The following NLGN1 variants were observed in gnomAD, a reference collection of about 807,000 sequenced individuals.
The protein encoded by NLGN1 is neuroligin-1.
Under a neutral mutation model 65.5 loss-of-function variants are expected in NLGN1, and 12 were observed. The observed-to-expected ratio is 0.18, with a 90% CI of 0.12 to 0.30. The LOEUF (loss-of-function observed/expected upper bound fraction) is 0.30. Among genes scored for constraint, NLGN1 ranks in the 10% least tolerant of loss-of-function variants. The pLI is 1.00. For synonymous variants in NLGN1, 350 were observed against 359.5 expected, an observed-to-expected ratio of 0.97 and a Z score of 0.30; for missense variants, 750 against 1,007.1, an observed-to-expected ratio of 0.74 and a Z score of 3.46.
intron 4 of NLGN1, among the ~76,000 whole-genome samples, chr3:173,916,977 T>G (rs1740864024): frequency 6.6e-6 from 1 of 152,194 alleles, no homozygotes; most frequent in African/African-American, 2.4e-5. Context: ...GTTTTCCAAC[T>G]TCAGACTACA....
chr3:174,078,113 T>G (rs2152544494), intron 4 of NLGN1, among the ~76,000 whole-genome samples: 1 of 152,204 alleles, frequency 6.6e-6, no homozygotes. Flanking sequence ...AAAACCATAC[T>G]ATATGATGTC....
At chr3:173,622,771 A>G (rs1356190291) in intron 3 of NLGN1, among the ~76,000 whole-genome samples, 1 of 152,078 alleles carries the variant, frequency 6.6e-6, no homozygotes, top group Non-Finnish European at 1.5e-5. Context: ...TTTTGTTGCA[A>G]AAATTAGGAA....
chr3:173,973,550 G>GT (rs201920885), intron 4 of NLGN1, among the ~76,000 whole-genome samples: 1,481 of 147,402 alleles, frequency 0.01, 10 homozygotes, highest in Non-Finnish European at 0.014. Flanking sequence ...AAATTATGTG[G>GT]TTTTTTTTTT....
chr3:173,482,977 C>G (rs1268517329), intron 2 of NLGN1, among the ~76,000 whole-genome samples: 1 of 151,858 alleles, frequency 6.6e-6, no homozygotes, highest in East Asian at 1.9e-4. Context: ...TGTTATAGAT[C>G]TCGTAATCAG....
intron 2 of NLGN1, chr3:173,584,552 C>T (rs1022312358): frequency 2.0e-5 from 3 of 151,524 alleles, no homozygotes; most frequent in Non-Finnish European, 4.4e-5. Context: ...ACATCAGCAC[C>T]GGGAATTCAT....
intron 4 of NLGN1, among the ~76,000 whole-genome samples, chr3:174,265,244 C>T (rs1174866999): frequency 2.6e-5 from 4 of 151,808 alleles, no homozygotes; most frequent in Middle Eastern, 3.4e-3. Context: ...TTTACCTAAG[C>T]AAGCCTGGGC....
intron 4 of NLGN1, among the ~76,000 whole-genome samples, chr3:173,908,853 G>A (rs1173774379): frequency 6.6e-6 from 1 of 152,114 alleles, no homozygotes; most frequent in Non-Finnish European, 1.5e-5. Context: ...TAATTTTGAT[G>A]TCTATAAAAA....
intron 3 of NLGN1, among the ~76,000 whole-genome samples, chr3:173,615,029 G>GT (rs1005721014): frequency 4.0e-5 from 6 of 151,082 alleles, no homozygotes; most frequent in Middle Eastern, 3.4e-3. Flanking sequence ...GAGATGAGTT[G>GT]TTTTTTTTTC....
At chr3:173,445,598 A>G (rs1015380995) in intron 2 of NLGN1, among the ~76,000 whole-genome samples, 3 of 152,186 alleles carry the variant, frequency 2.0e-5, no homozygotes, top group Non-Finnish European at 2.9e-5. Context: ...GTCTGCACTA[A>G]TAGAGTAATG....
intron 4 of NLGN1, among the ~76,000 whole-genome samples, chr3:174,222,900 A>G (rs865871692): frequency 1.3e-5 from 2 of 152,144 alleles, no homozygotes; most frequent in South Asian, 4.1e-4. Flanking sequence ...TGAAAATATA[A>G]CTTTTTTCTT....
At chr3:173,747,106 G>A (rs1004006146) in intron 3 of NLGN1, among the ~76,000 whole-genome samples, 1 of 147,858 alleles carries the variant, frequency 6.8e-6, no homozygotes, top group Non-Finnish European at 1.5e-5. Context: ...ACACACGTGT[G>A]TATACCACGT....
At position 173,485,487 on chromosome 3, in the gene NLGN1, A is replaced by G. The variant is rs75645255; in HGVS notation, c.-321+50409A>G. The stretch of plus-strand genomic sequence containing the variant: ...TTCAAGTCCCATAAAAAATTATGCT[A>G]GAATTTTGTTGGGAGTCGTATTGAA... On this transcript the variant is annotated intron_variant, in intron 2 of 6. Transcript: ENST00000457714. Among the ~76,000 whole-genome samples the G allele has an allele frequency of 2.0e-5, 3 of 152,218 alleles. No individual in the cohort carries two copies. In the East Asian group the frequency reaches 5.8e-4, roughly 29 times the overall value.
intron 1 of NLGN1, among the ~76,000 whole-genome samples, chr3:173,415,537 G>A (rs1278297022): frequency 6.6e-6 from 1 of 150,694 alleles, no homozygotes; most frequent in Non-Finnish European, 1.5e-5. Context: ...TTTGCCGTAT[G>A]CTAATGATTG....
chr3:174,076,724 A>AGAGAGAGAGT (rs1491274049), intron 4 of NLGN1, among the ~76,000 whole-genome samples: 11 of 82,040 alleles, frequency 1.3e-4, no homozygotes, highest in South Asian at 4.0e-4. Flanking sequence ...AGAGAGAGAG[A>AGAGAGAGAGT]GTGTGTGTGT....
At chr3:173,782,619 G>A (rs1199069646) in intron 3 of NLGN1, among the ~76,000 whole-genome samples, 2 of 151,808 alleles carry the variant, frequency 1.3e-5, no homozygotes, top group Admixed American at 6.6e-5. Flanking sequence ...TCCATGCCTC[G>A]GGCAGCCCCC....
At chr3:173,820,287 G>A (rs796080793) in intron 4 of NLGN1, among the ~76,000 whole-genome samples, 15 of 151,656 alleles carry the variant, frequency 9.9e-5, no homozygotes, top group African/African-American at 3.6e-4. Flanking sequence ...CTTGTTCTGA[G>A]ACTATAATGC....
chr3:174,250,670 A>G (rs1388779507), intron 4 of NLGN1, among the ~76,000 whole-genome samples: 1 of 152,154 alleles, frequency 6.6e-6, no homozygotes, highest in Non-Finnish European at 1.5e-5. Flanking sequence ...TTAGTGAAGC[A>G]GAGTTGGTGC....
At chr3:173,685,190 A>T in intron 3 of NLGN1, among the ~76,000 whole-genome samples, 1 of 152,182 alleles carries the variant, frequency 6.6e-6, no homozygotes, top group Non-Finnish European at 1.5e-5. Context: ...GTTGAAAATC[A>T]ATTTAAATAA....
At chr3:174,095,816 A>T (rs752683125) in intron 4 of NLGN1, among the ~76,000 whole-genome samples, 3 of 151,920 alleles carry the variant, frequency 2.0e-5, no homozygotes, top group Non-Finnish European at 2.9e-5. Context: ...CCTGACCAAC[A>T]TGATGAAACC....
Sources: gnomAD v4.1 joint callset for allele counts (sites outside exome capture counted in the v4.1 genomes callset) on GRCh38, gnomAD v4.1.1 for gene constraint, MANE v1.5 for transcripts, NCBI Gene and HGNC (gene_info 2026-07-23, HGNC 2026-07-21) for gene names.